Variants in CLHC1 observed in about 807,000 individuals in gnomAD.
CLHC1 encodes the protein clathrin heavy chain linker domain containing 1, also known as clathrin heavy chain linker domain-containing protein 1.
Under a neutral mutation model 69.5 loss-of-function variants are expected in CLHC1, and 72 were observed. That is an observed-to-expected ratio of 1.04 (90% CI 0.86 to 1.26). The LOEUF is 1.26. Among genes scored for constraint, CLHC1 ranks in the 50% most tolerant of loss-of-function variants. The probability of loss-of-function intolerance (pLI) is 0.00; values close to 1 mark genes in which losing one functional copy is unlikely to be tolerated. For missense variants in CLHC1, 790 were observed against 679.3 expected, an observed-to-expected ratio of 1.16 and a Z score of -1.81; for synonymous variants, 223 against 224.3, an observed-to-expected ratio of 0.99 and a Z score of 0.05.
At chr2:55,179,972 G>C (rs1669761272) in intron 11 of CLHC1, among the ~76,000 whole-genome samples, 1 of 152,036 alleles carries the variant, frequency 6.6e-6, no homozygotes, top group Non-Finnish European at 1.5e-5. Flanking sequence ...GGCTAACACG[G>C]TGAAACCCTG....
At position 55,212,717 on chromosome 2, in the gene CLHC1, A is replaced by T. The variant is rs1448813086; in HGVS notation, c.455T>A (p.Val152Glu). ...ATCTTTGGAGAAAGTACAATATTTT[A>T]CTTCTTTTGTGTCATACTCTGCCCT... Reference protein sequence around the residue: ...QCRAEYDTKEVKYCTFSKDPS... With the variant: ...QCRAEYDTKEEKYCTFSKDPS... The change falls in exon 5 of 13, where the codon GTA (valine) becomes GAA (glutamate). Residue 152 changes from valine (V) to glutamate (E), a missense_variant. Physicochemically the swap from Val to Glu is moderately radical, Grantham distance 121. Transcript: ENST00000401408. The T allele has an allele frequency of 6.3e-7, 1 of 1,597,442 alleles. No homozygotes were observed.
At chr2:55,192,273 C>T (rs1198812159) in intron 9 of CLHC1, among the ~76,000 whole-genome samples, 2 of 152,056 alleles carry the variant, frequency 1.3e-5, no homozygotes, top group Admixed American at 6.6e-5. Flanking sequence ...GCACTCACCA[C>T]CATGCCCAGC....
chr2:55,217,940 T>C lies in CLHC1; in HGVS notation c.236A>G (p.Asp79Gly). The C allele has an allele frequency of 6.3e-7, 1 of 1,589,580 alleles. No homozygotes were observed. Residue 79 changes from aspartate to glycine, a missense_variant, in exon 4 of 13, where the codon GAT becomes GGT. Physicochemically the swap from Asp to Gly is moderately conservative, Grantham distance 94 (BLOSUM62 -1). Coordinates refer to ENST00000401408, the MANE Select transcript of CLHC1 (RefSeq NM_152385.4). ...SILTSIKKEY[D>G]AFIETIKKDR... ...TTTCTTTATTGTCTCAATAAAGGCA[T>C]CATATTCTTTTTTGATTGAAGTAAG...
In CLHC1 at chr2:55,194,891, C is replaced by T. The variant is rs991062293; in HGVS notation, c.1006+11379G>A. Among the ~76,000 whole-genome samples, 4 of 152,010 alleles carry T rather than the reference C, an allele frequency of 2.6e-5. No homozygotes were observed. The South Asian group carries it at 8.3e-4, about 32-fold the overall frequency. On this transcript the variant is annotated intron_variant, in intron 9 of 12. Coordinates refer to ENST00000401408, the MANE Select transcript of CLHC1 (RefSeq NM_152385.4). ...TGTTTGTGCATGTGTATTGAGAACA[C>T]TTACACTCCACTCTCTTAGCAACTT...
At chr2:55,223,783 C>T (rs1180406683) in intron 2 of CLHC1, among the ~76,000 whole-genome samples, 1 of 151,954 alleles carries the variant, frequency 6.6e-6, no homozygotes, top group Non-Finnish European at 1.5e-5. Context: ...CACGCACACC[C>T]GCGATCGGAT....
At chr2:55,196,152 A>G (rs1226091195) in intron 9 of CLHC1, among the ~76,000 whole-genome samples, 1 of 152,214 alleles carries the variant, frequency 6.6e-6, no homozygotes, top group Non-Finnish European at 1.5e-5. Context: ...AGCCCTAGCC[A>G]GAAGAGAATC....
chr2:55,220,636 A>C (rs1674020190), intron 3 of CLHC1, among the ~76,000 whole-genome samples: 1 of 152,190 alleles, frequency 6.6e-6, no homozygotes, highest in African/African-American at 2.4e-5. Flanking sequence ...TACCTCCAAA[A>C]TGACTTCACT....
At chr2:55,197,470 C>T (rs1464342959) in intron 9 of CLHC1, among the ~76,000 whole-genome samples, 3 of 152,172 alleles carry the variant, frequency 2.0e-5, no homozygotes, top group Non-Finnish European at 2.9e-5. Context: ...TGTGTTCCAC[C>T]CCTTCTCCAG....
At chr2:55,216,182 G>C (rs1195023165) in intron 4 of CLHC1, 6 of 150,990 alleles carry the variant, frequency 4.0e-5, no homozygotes, top group Non-Finnish European at 8.8e-5. Context: ...AGCTACTTGG[G>C]ATGTTCAGGC....
intron 3 of CLHC1, among the ~76,000 whole-genome samples, chr2:55,220,887 C>T (rs1299808696): frequency 1.3e-5 from 2 of 152,094 alleles, no homozygotes; most frequent in Admixed American, 6.6e-5. Context: ...ATCATTGATC[C>T]TAACAGCATA....
In CLHC1 at chr2:55,180,548, AC is replaced by A. The variant is rs2103677129; in HGVS notation, c.1345del (p.Val449SerfsTer8). On this transcript the variant is annotated frameshift_variant, in exon 11 of 13. Transcript: ENST00000401408. LOFTEE classifies it high-confidence loss of function. ...CLCKQGQTHR[V>X]MEYIQQLKDF... ...CTTCAACTGCTGTATGTACTCCATG[AC>A]CCTATGAGTCTGACCCTGTTTACAC... The A allele has an allele frequency of 6.2e-7, 1 of 1,614,130 alleles. No individual in the cohort carries two copies. The highest frequency in any genetic ancestry group is 8.5e-7 in the Non-Finnish European group (1 of 1,179,998).
intron 12 of CLHC1, 107 bp from the exon 13 acceptor site, chr2:55,176,093 A>G (rs1669366167): frequency 1.2e-6 from 1 of 863,024 alleles, no homozygotes; most frequent in Non-Finnish European, 1.8e-6. Flanking sequence ...AGTTACTGTT[A>G]AACTCTACCT....
intron 2 of CLHC1, among the ~76,000 whole-genome samples, chr2:55,222,886 C>T (rs1482886109): frequency 6.9e-6 from 1 of 144,228 alleles, no homozygotes; most frequent in Non-Finnish European, 1.5e-5. Context: ...CGCCATTGCA[C>T]TCCAGCCTGG....
chr2:55,227,294 G>A (rs908383818), intron 2 of CLHC1, among the ~76,000 whole-genome samples: 4 of 151,864 alleles, frequency 2.6e-5, no homozygotes, highest in African/African-American at 9.7e-5. Flanking sequence ...CCATTTCACA[G>A]CTAGGAATTC....
rs746176986 is a variant in CLHC1, at chr2:55,180,561, G to C, written c.1333C>G (p.Gln445Glu). The C allele has an allele frequency of 6.2e-7, 1 of 1,614,094 alleles. No homozygotes were observed. Among genetic ancestry groups the C allele is most frequent in the South Asian group, 1.1e-5 (1 of 91,080 alleles). Residue 445 changes from glutamine (Q) to glutamate (E), a missense_variant, in exon 11 of 13, where the codon CAG becomes GAG. By Grantham distance (29) the Gln-to-Glu change is conservative. Coordinates refer to ENST00000401408, the MANE Select transcript of CLHC1 (RefSeq NM_152385.4). ...KAILCLCKQG[Q>E]THRVMEYIQQ... ...ATGTACTCCATGACCCTATGAGTCT[G>C]ACCCTGTTTACACAAGCAAAGAATA...
At chr2:55,188,125 G>C (rs2103752274) in intron 9 of CLHC1, among the ~76,000 whole-genome samples, 1 of 152,170 alleles carries the variant, frequency 6.6e-6, no homozygotes, top group Admixed American at 6.5e-5. Flanking sequence ...ACCAGCCTGG[G>C]CAACATAGCA....
At chr2:55,188,112 G>C (rs1670587151) in intron 9 of CLHC1, among the ~76,000 whole-genome samples, 1 of 152,086 alleles carries the variant, frequency 6.6e-6, no homozygotes, top group Non-Finnish European at 1.5e-5. Flanking sequence ...CCAGGAGTTT[G>C]AGACCAGCCT....
At chr2:55,176,020 A>C in intron 12 of CLHC1, 34 bp from the exon 13 acceptor site, 1 of 1,510,712 alleles carries the variant, frequency 6.6e-7, no homozygotes, top group Non-Finnish European at 9.1e-7. Flanking sequence ...ATAGTATGGC[A>C]CTTATTTGAT....
rs115513646 is a variant in CLHC1, at chr2:55,226,762, G to C, written c.-83+1270C>G. Among the ~76,000 whole-genome samples the C allele has an allele frequency of 6.3e-4, 96 of 152,318 alleles. 1 individual carries two copies. The highest frequency in any genetic ancestry group is 2.2e-3 in the African/African-American group (91 of 41,568). ...TTCTCCTGCCTTAGCCTCCCGAGTAGCTGAAACTAGAGGTGCAGGGCACCA... is the reference window on the plus strand; with the variant it reads ...TTCTCCTGCCTTAGCCTCCCGAGTACCTGAAACTAGAGGTGCAGGGCACCA... On this transcript the variant is annotated intron_variant, in intron 2 of 12. Transcript: ENST00000401408.
Sources: allele counts gnomAD v4.1 joint callset (sites outside exome capture counted in the v4.1 genomes callset), GRCh38; gene constraint gnomAD v4.1.1; transcripts MANE v1.5; gene names NCBI Gene and HGNC (gene_info 2026-07-23, HGNC 2026-07-21).